Variants in OTOF observed in about 807,000 individuals in gnomAD.
The protein encoded by OTOF is otoferlin.
A neutral mutation model predicts 236.8 loss-of-function variants in OTOF; 218 were observed. The observed-to-expected ratio is 0.92, with a 90% CI of 0.82 to 1.03. The LOEUF is 1.03. Ranked by LOEUF, OTOF falls within the 50% of genes least tolerant of loss-of-function variation. The pLI is 0.00. For synonymous variants in OTOF, 1,041 were observed against 1,072.5 expected, an observed-to-expected ratio of 0.97 and a Z score of 0.57; for missense variants, 2,590 against 2,694.4, an observed-to-expected ratio of 0.96 and a Z score of 0.86.
At chr2:26,463,090 G>A (rs141151589) in intron 41 of OTOF, among the ~76,000 whole-genome samples, 4 of 152,300 alleles carry the variant, frequency 2.6e-5, no homozygotes, top group African/African-American at 9.6e-5. Flanking sequence ...TGTGTGTTGT[G>A]AAGGAGTGCG....
At position 26,468,439 on chromosome 2, in the gene OTOF, C is replaced by T. The variant is rs775595020; in HGVS notation, c.4059G>A (p.Leu1353=). ...TATTGTCCACTTCCTCCTTCTCCTC[C>T]AAGTCAATTCCAGAGGGCTCTTGTT... ...LRQQEPSGID[L]EEKEEVDNTE... is the part of the protein sequence containing the mutation. Residue 1353 remains leucine, a synonymous_variant, in exon 33 of 47, where the codon TTG becomes TTA. Coordinates refer to ENST00000272371, the MANE Select transcript of OTOF (RefSeq NM_194248.3). The T allele has an allele frequency of 6.2e-6, 10 of 1,613,936 alleles. No homozygotes were observed. Among genetic ancestry groups the T allele is most frequent in the Non-Finnish European group, 7.6e-6 (9 of 1,179,982 alleles).
In OTOF at chr2:26,483,580, C is replaced by T. The variant is rs1665622293; in HGVS notation, c.1274G>A (p.Arg425Gln). 9 of 1,613,688 alleles carry T rather than the reference C, an allele frequency of 5.6e-6. No individual in the cohort carries two copies. The highest frequency in any genetic ancestry group is 2.2e-5 in the South Asian group (2 of 91,076). ...GTTCATACGGGGCAGCCCCTCTGCT[C>T]GGTAAATTTTCACATAGAACCGGGC... is the stretch of plus-strand genomic sequence containing the variant. Reference protein sequence around the residue: ...QWARFYVKIYRAEGLPRMNTS... With the variant: ...QWARFYVKIYQAEGLPRMNTS... Residue 425 changes from arginine to glutamine, a missense_variant, in exon 13 of 47, where the codon CGA becomes CAA. Arg to Gln is a conservative substitution (Grantham distance 43). This residue lies in a region of OTOF where 1,379 missense variants were observed against 1,341.6 expected (regional missense o/e 1.03). Coordinates refer to ENST00000272371, the MANE Select transcript of OTOF (RefSeq NM_194248.3).
At position 26,464,054 on chromosome 2, in the gene OTOF, C is replaced by T. The variant is rs1461208460; in HGVS notation, c.5013G>A (p.Trp1671Ter). Reference protein sequence around the residue: ...EHVALLALRHWEDIPRAGCRL... With the variant: ...EHVALLALRH The stretch of plus-strand genomic sequence containing the variant: ...GGCAGCCTGCGCGGGGGATGTCCTC[C>T]CAGTGCCTCAGGGCCAACAGCGCCA... The change falls in exon 40 of 47, where the codon TGG becomes TGA. Residue 1671 changes from tryptophan to a stop codon, truncating the protein, a stop_gained. Coordinates refer to ENST00000272371, the MANE Select transcript of OTOF (RefSeq NM_194248.3). LOFTEE classifies it high-confidence loss of function. The T allele has an allele frequency of 1.5e-5, 24 of 1,613,620 alleles. No individual in the cohort carries two copies. Among genetic ancestry groups the T allele is most frequent in the Non-Finnish European group, 1.8e-5 (21 of 1,180,036 alleles).
intron 33 of OTOF, 143 bp from the exon 34 acceptor site, chr2:26,467,644 A>G: frequency 9.2e-7 from 1 of 1,091,388 alleles, no homozygotes; most frequent in East Asian, 2.6e-5. Context: ...AATACTCCCT[A>G]GCATGCCCGC....
At position 26,460,175 on chromosome 2, in the gene OTOF, C is replaced by A. The variant is rs1181307369; in HGVS notation, c.5844G>T (p.Leu1948=). ...AGTAGCGAGCCGACTTGAGAGGGTT[C>A]AGGAACCAGATGAAGCTCGTGTCGG... The part of the protein sequence containing the change: ...NRPDTSFIWF[L]NPLKSARYFL... The change falls in exon 46 of 47, where the codon CTG becomes CTT. Residue 1948 remains leucine, a synonymous_variant. Transcript: ENST00000272371. This position sits in a 1 kb window ranked among gnomAD's most constrained non-coding sequence, Gnocchi z 5.3. The A allele has an allele frequency of 6.2e-7, 1 of 1,605,366 alleles. No individual in the cohort carries two copies. The highest frequency in any genetic ancestry group is 8.5e-7 in the Non-Finnish European group (1 of 1,176,504).
Position 26,476,940 on chromosome 2 carries a change from T to C in OTOF, c.2627A>G (p.Glu876Gly), listed in dbSNP as rs745703994. Reference sequence around the variant, plus strand: ...GGCGCAGTCCTTGCCAGTCTCCTCCTCCACGATGGAGAAGAGCAGGTCCTT... The same window carrying C: ...GGCGCAGTCCTTGCCAGTCTCCTCCCCCACGATGGAGAAGAGCAGGTCCTT... The part of the protein sequence containing the change: ...PSKDLLFSIV[E>G]EETGKDCAKV... Residue 876 changes from glutamate (E) to glycine (G), a missense_variant, in exon 22 of 47, where the codon GAG becomes GGG. Physicochemically the swap from Glu to Gly is moderately conservative, Grantham distance 98. This residue lies in a region of OTOF where 1,379 missense variants were observed against 1,341.6 expected (regional missense o/e 1.03). Transcript: ENST00000272371. 1.2e-6 allele frequency: 2 copies of C among 1,610,874 alleles called. No individual in the cohort carries two copies. The highest frequency in any genetic ancestry group is 1.7e-6 in the Non-Finnish European group (2 of 1,179,262).
chr2:26,487,753 C>A (rs914478909), intron 11 of OTOF, among the ~76,000 whole-genome samples: 13 of 152,240 alleles, frequency 8.5e-5, no homozygotes, highest in Admixed American at 4.6e-4. Flanking sequence ...AGGAGCTTAT[C>A]CTCAGGGATG....
In OTOF at chr2:26,479,555, C is replaced by A. The variant is rs745803471; in HGVS notation, c.2011G>T (p.Ala671Ser). The change falls in exon 17 of 47, where the codon GCA becomes TCA. Residue 671 changes from alanine (A) to serine (S), a missense_variant. This residue lies in a region of OTOF where 1,379 missense variants were observed against 1,341.6 expected (regional missense o/e 1.03). Coordinates refer to ENST00000272371, the MANE Select transcript of OTOF (RefSeq NM_194248.3). ...GCATCACCGGCCTCGTCATCACTTGCGTTCTGAATCAGGTCTACTTCTTCC... is the reference window on the plus strand; with the variant it reads ...GCATCACCGGCCTCGTCATCACTTGAGTTCTGAATCAGGTCTACTTCTTCC... ...DEEEVDLIQN[A>S]SDDEAGDAGD... The A allele has an allele frequency of 6.2e-7, 1 of 1,612,508 alleles. No homozygotes were observed. Among genetic ancestry groups the A allele is most frequent in the South Asian group, 1.1e-5 (1 of 90,978 alleles).
In OTOF at chr2:26,473,951, T is replaced by C; in HGVS notation, c.3408+40A>G. ...CACTTCCCCTCCTGGGTCCTCAGAC[T>C]CCTCATCCAAAAGGGAAGGGCCACA... On this transcript the variant is annotated intron_variant, in intron 27 of 46. Transcript: ENST00000272371. The surrounding 1 kb of genome is among the most constrained non-coding windows in gnomAD (Gnocchi z 7.2). The C allele has an allele frequency of 6.2e-7, 1 of 1,612,236 alleles. No individual in the cohort carries two copies.
chr2:26,517,897 C>T (rs530359188), intron 4 of OTOF, among the ~76,000 whole-genome samples: 251 of 152,324 alleles, frequency 1.6e-3, no homozygotes, highest in Non-Finnish European at 2.8e-3. Flanking sequence ...TCTCTTATCT[C>T]ACTTCCCACA....
At chr2:26,484,172 T>A (rs1054982683) in intron 12 of OTOF, among the ~76,000 whole-genome samples, 1 of 152,228 alleles carries the variant, frequency 6.6e-6, no homozygotes, top group Admixed American at 6.5e-5. Flanking sequence ...ACCTTGGCTC[T>A]CCCAGCACTT....
Position 26,457,798 on chromosome 2 carries a change from A to G in OTOF, c.*440T>C, listed in dbSNP as rs112949167. The stretch of plus-strand genomic sequence containing the variant: ...AGGTGGGGCAAGAGAGACCCATTCC[A>G]GGTCCCCACCCCATCCAAGGCTCCC... On this transcript the variant is annotated 3_prime_UTR_variant, in exon 47 of 47. Coordinates refer to ENST00000272371, the MANE Select transcript of OTOF (RefSeq NM_194248.3). The surrounding 1 kb of genome is among the most constrained non-coding windows in gnomAD (Gnocchi z 4.4). 1,989 of 528,978 alleles carry G rather than the reference A, an allele frequency of 3.8e-3. 21 individuals carry two copies. Among genetic ancestry groups the G allele is most frequent in the African/African-American group, 0.026 (1,365 of 52,532 alleles). The allele number at this position is 528,978 out of a possible 1,614,324, so 32.8% of individuals were successfully genotyped here. A position where few individuals can be genotyped will look rare whatever the true frequency, so the allele number is the denominator to read the frequency against.
In OTOF at chr2:26,537,786, G is replaced by A; in HGVS notation, c.80-12C>T. The A allele has an allele frequency of 6.5e-7, 1 of 1,549,030 alleles. No homozygotes were observed. The highest frequency in any genetic ancestry group is 8.7e-7 in the Non-Finnish European group (1 of 1,144,180). On this transcript the variant is annotated splice_polypyrimidine_tract_variant and intron_variant, in intron 1 of 46. Coordinates refer to ENST00000272371, the MANE Select transcript of OTOF (RefSeq NM_194248.3). ...GTAGAAGGATTGCCCTGTGGGGAAA[G>A]AGGAAATAAATTCTAGGGTCAGAGC...
At chr2:26,489,812 C>T in intron 9 of OTOF, 72 bp from the exon 10 acceptor site, 3 of 1,197,026 alleles carry the variant, frequency 2.5e-6, no homozygotes, top group Non-Finnish European at 3.7e-6. Flanking sequence ...TTGGGCCCCT[C>T]CCTCCTCGCA....
chr2:26,517,873 G>T (rs185389377), intron 4 of OTOF, among the ~76,000 whole-genome samples: 7 of 152,270 alleles, frequency 4.6e-5, no homozygotes, highest in Admixed American at 4.6e-4. Flanking sequence ...GTCCATCCCT[G>T]CTCACTCCCC....
chr2:26,473,662 A>G lies in OTOF; in HGVS notation c.3409-95T>C, dbSNP rs1665110727. On this transcript the variant is annotated intron_variant, in intron 27 of 46. Transcript: ENST00000272371. The surrounding 1 kb of genome is among the most constrained non-coding windows in gnomAD (Gnocchi z 7.2). ...TGGACCATCCAATAGGGAACCGGGC[A>G]GTGGGATGGGCAGTAGTTCACCCCA... The G allele has an allele frequency of 3.1e-6, 4 of 1,292,220 alleles. No individual in the cohort carries two copies. The highest frequency in any genetic ancestry group is 4.3e-6 in the Non-Finnish European group (4 of 937,660). 80.0% of individuals were successfully genotyped at this position (1,292,220 alleles called of 1,614,324 possible).
chr2:26,540,622 C>G (rs926095591), intron 1 of OTOF, among the ~76,000 whole-genome samples: 1 of 152,058 alleles, frequency 6.6e-6, no homozygotes, highest in African/African-American at 2.4e-5. Flanking sequence ...AGTCCTAGTT[C>G]AATGCAGAGC....
chr2:26,469,444 C>T (rs1224473436), intron 32 of OTOF, among the ~76,000 whole-genome samples: 1 of 152,212 alleles, frequency 6.6e-6, no homozygotes, highest in Non-Finnish European at 1.5e-5. Flanking sequence ...ACACAGCCAC[C>T]TTGTGAAAGA....
rs993774791 is a variant in OTOF at position 26,510,851 on chromosome 2, C to T, written c.509+5567G>A. ...CGGCCCCACGGGCCTGCACGCTCCC[C>T]GGGGGCCTCCTTGTCCCACAGACCT... is the stretch of plus-strand genomic sequence containing the variant. On this transcript the variant is annotated intron_variant, in intron 5 of 46. Coordinates refer to ENST00000272371, the MANE Select transcript of OTOF (RefSeq NM_194248.3). 34 of 631,704 alleles carry T rather than the reference C, an allele frequency of 5.4e-5. 1 individual carries two copies. Among genetic ancestry groups the T allele is most frequent in the East Asian group, 4.8e-4 (7 of 14,598 alleles). 39.1% of individuals were successfully genotyped at this position (631,704 alleles called of 1,614,324 possible). A position where few individuals can be genotyped will look rare whatever the true frequency, so the allele number is the denominator to read the frequency against.
Sources: allele counts gnomAD v4.1 joint callset (sites outside exome capture counted in the v4.1 genomes callset), GRCh38; gene constraint gnomAD v4.1.1; regional missense constraint gnomAD v4.1.1; non-coding constraint Gnocchi (gnomAD v3.1); transcripts MANE v1.5; gene names NCBI Gene and HGNC (gene_info 2026-07-23, HGNC 2026-07-21).